DAB1: variants seen among roughly 807,000 people sequenced by gnomAD.
The protein encoded by DAB1 is disabled homolog 1.
DAB1 carries 15 observed loss-of-function variants against 64.6 expected under a neutral mutation model. The ratio of observed to expected loss-of-function variants is 0.23; its 90% CI spans 0.16 to 0.36. The LOEUF (loss-of-function observed/expected upper bound fraction) is 0.36. Ranked by LOEUF, DAB1 falls within the 10% of genes least tolerant of loss-of-function variation. The probability of loss-of-function intolerance (pLI) is 1.00; values close to 1 mark genes in which losing one functional copy is unlikely to be tolerated. For synonymous variants in DAB1, 235 were observed against 251.9 expected (o/e 0.93, Z 0.64); for missense variants, 596 against 706.7 (o/e 0.84, Z 1.78).
At chr1:58,106,134 CTCTTTCTTTCTTTTCTT>C (rs1651626028) in intron 5 of DAB1, among the ~76,000 whole-genome samples, 1 of 148,732 alleles carries the variant, frequency 6.7e-6, no homozygotes, top group South Asian at 2.2e-4. Flanking sequence ...TCTTTTCTTT[CTCTTTCTTTCTTTTCTT>C]TCTTTCTTTC....
At chr1:57,383,530 A>G (rs1362006778) in intron 1 of DAB1, among the ~76,000 whole-genome samples, 1 of 152,206 alleles carries the variant, frequency 6.6e-6, no homozygotes, top group Non-Finnish European at 1.5e-5. Context: ...CAGTAAGTGT[A>G]ATGAAAACAG....
At chr1:57,807,266 A>T (rs1224096086) in intron 6 of DAB1, among the ~76,000 whole-genome samples, 1 of 152,114 alleles carries the variant, frequency 6.6e-6, no homozygotes, top group Non-Finnish European at 1.5e-5. Context: ...TTTACCTCAG[A>T]TCTGGGAGGG....
intron 9 of DAB1, among the ~76,000 whole-genome samples, chr1:57,036,114 T>C (rs540393122): frequency 3.7e-4 from 42 of 114,622 alleles, no homozygotes; most frequent in African/African-American, 1.5e-3. Context: ...CCAATGCACA[T>C]ATTTTTTTAA....
intron 2 of DAB1, among the ~76,000 whole-genome samples, chr1:57,221,340 TA>T (rs1228382939): frequency 6.6e-6 from 1 of 151,682 alleles, no homozygotes; most frequent in East Asian, 1.9e-4. Flanking sequence ...GGCACATGTA[TA>T]CATATGTAAC....
rs184254983 is a variant in DAB1, at chr1:58,472,953, T to C, written n.257+33107A>G. ...GGCCACTCACCATGTGCCAGGCCCC[T>C]AAAGGAATAAACCCACTGCCTTCTC... On this transcript the variant is annotated intron_variant and non_coding_transcript_variant, in intron 3 of 20. Coordinates refer to the DAB1 transcript ENST00000485760. Among the ~76,000 whole-genome samples the C allele has an allele frequency of 2.0e-5, 3 of 152,214 alleles. No individual in the cohort carries two copies. In the East Asian group the frequency reaches 5.8e-4, roughly 29 times the overall value.
At chr1:58,254,126 C>G (rs1261796181) in intron 4 of DAB1, among the ~76,000 whole-genome samples, 3 of 152,126 alleles carry the variant, frequency 2.0e-5, no homozygotes, top group Admixed American at 6.5e-5. Flanking sequence ...GATCCACACT[C>G]AAGGGGAAAC....
chr1:58,499,287 G>A (rs1195787022), intron 3 of DAB1, among the ~76,000 whole-genome samples: 1 of 140,372 alleles, frequency 7.1e-6, no homozygotes, highest in African/African-American at 2.7e-5. Context: ...TTGCCAGCCA[G>A]GGCAACACAG....
intron 7 of DAB1, among the ~76,000 whole-genome samples, chr1:57,460,718 C>A (rs1686753719): frequency 1.3e-5 from 2 of 151,754 alleles, no homozygotes; most frequent in South Asian, 4.2e-4. Flanking sequence ...GCTACAGAGG[C>A]CCCTTCATTC....
intron 3 of DAB1, among the ~76,000 whole-genome samples, chr1:58,373,441 C>T (rs548521592): frequency 2.0e-3 from 292 of 149,666 alleles, no homozygotes; most frequent in South Asian, 3.7e-3. Flanking sequence ...TTTGTTCTTG[C>T]AATAGTTTAC....
At chr1:58,453,384 T>C (rs78050485) in intron 3 of DAB1, among the ~76,000 whole-genome samples, 80 of 152,290 alleles carry the variant, frequency 5.3e-4, no homozygotes, top group African/African-American at 1.9e-3. Flanking sequence ...ATAATTATAA[T>C]TGAGAACAGC....
chr1:57,857,938 GA>G (rs57573578), intron 1 of DAB1, among the ~76,000 whole-genome samples: 179 of 121,424 alleles, frequency 1.5e-3, no homozygotes, highest in African/African-American at 2.4e-3. Flanking sequence ...TAAAAAGAAA[GA>G]AAAAAAAAAA....
chr1:57,910,944 C>G (rs1644634782), intron 5 of DAB1, among the ~76,000 whole-genome samples: 1 of 152,130 alleles, frequency 6.6e-6, no homozygotes, highest in Non-Finnish European at 1.5e-5. Context: ...CCTACAGGGG[C>G]AGATGTGAGG....
At position 58,534,224 on chromosome 1, in the gene DAB1, C is replaced by A. The variant is rs41287650; in HGVS notation, n.33-6889G>T. On this transcript the variant is annotated intron_variant and non_coding_transcript_variant, in intron 1 of 20. Coordinates refer to the DAB1 transcript ENST00000485760. ...GAATAACCCAATTGATCTGAGAGAT[C>A]CCTGGAACATCTTTATTGCATTCAA... 131 of 871,834 alleles carry A rather than the reference C, an allele frequency of 1.5e-4. No homozygotes were observed. Among genetic ancestry groups the A allele is most frequent in the Non-Finnish European group, 2.5e-4 (127 of 501,458 alleles). 54.0% of individuals were successfully genotyped at this position (871,834 alleles called of 1,614,324 possible).
intron 6 of DAB1, among the ~76,000 whole-genome samples, chr1:57,746,908 G>C (rs114208413): frequency 6.6e-6 from 1 of 151,682 alleles, no homozygotes; most frequent in South Asian, 2.1e-4. Context: ...ATGTTTCTCT[G>C]TGTATTCTAG....
chr1:57,410,515 G>A (rs906026543), intron 1 of DAB1, among the ~76,000 whole-genome samples: 4 of 152,204 alleles, frequency 2.6e-5, no homozygotes, highest in Non-Finnish European at 4.4e-5. Flanking sequence ...AAGGCAGGCA[G>A]AGGCAGGTGT....
intron 1 of DAB1, among the ~76,000 whole-genome samples, chr1:57,410,569 A>C (rs1684027869): frequency 6.6e-6 from 1 of 152,240 alleles, no homozygotes; most frequent in Admixed American, 6.5e-5. Context: ...TATTTTTTAA[A>C]GAAAGCAATG....
intron 4 of DAB1, among the ~76,000 whole-genome samples, chr1:58,327,685 C>G (rs572484220): frequency 6.6e-6 from 1 of 152,146 alleles, no homozygotes; most frequent in South Asian, 2.1e-4. Context: ...GAGAAATGAG[C>G]AAGAGTTGGC....
chr1:58,351,147 G>A (rs556857815), intron 3 of DAB1, among the ~76,000 whole-genome samples: 4 of 152,262 alleles, frequency 2.6e-5, no homozygotes, highest in Admixed American at 6.5e-5. Flanking sequence ...GCAGTGGTTT[G>A]TAGTTCTCCT....
rs1399896124 is a variant in DAB1 at position 58,129,974 on chromosome 1, C to T, written n.387+20537G>A. On this transcript the variant is annotated intron_variant and non_coding_transcript_variant, in intron 5 of 20. Coordinates refer to the DAB1 transcript ENST00000485760. ...GAGTTCTGTAGATGTCTATTAGGTCCCCTTGGTGCAGAGCTGAGTTCAATT... is the reference window on the plus strand; with the variant it reads ...GAGTTCTGTAGATGTCTATTAGGTCTCCTTGGTGCAGAGCTGAGTTCAATT... Among the ~76,000 whole-genome samples, 8 of 145,038 alleles carry T rather than the reference C, an allele frequency of 5.5e-5. No individual in the cohort carries two copies. The Admixed American group carries it at 5.5e-4, about 10-fold the overall frequency.
Sources: gnomAD v4.1 joint callset for allele counts (sites outside exome capture counted in the v4.1 genomes callset) on GRCh38, gnomAD v4.1.1 for gene constraint, MANE v1.5 for transcripts, NCBI Gene and HGNC (gene_info 2026-07-23, HGNC 2026-07-21) for gene names.